The following CNTN5 variants were observed in gnomAD, a reference collection of about 807,000 sequenced individuals.
The protein encoded by CNTN5 is contactin 5, also known as contactin-5.
In CNTN5, 77 loss-of-function variants were observed where a neutral mutation model predicts 129.1. The observed-to-expected ratio is 0.60, with a 90% CI of 0.50 to 0.72. CNTN5 has a LOEUF of 0.72. Ranked by LOEUF, CNTN5 falls within the 30% of genes least tolerant of loss-of-function variation. CNTN5 has a pLI of 0.00. For missense variants in CNTN5, 1,478 were observed against 1,328.8 expected (o/e 1.11, Z -1.75); for synonymous variants, 509 against 465.6 (o/e 1.09, Z -1.20).
At chr11:99,840,993 A>C (rs572884945) in intron 4 of CNTN5, among the ~76,000 whole-genome samples, 1 of 152,300 alleles carries the variant, frequency 6.6e-6, no homozygotes, top group African/African-American at 2.4e-5. Flanking sequence ...GGGACTGGGA[A>C]GCTGTACGTA....
intron 2 of CNTN5, among the ~76,000 whole-genome samples, chr11:99,376,098 G>C (rs1317347823): frequency 6.6e-6 from 1 of 152,104 alleles, no homozygotes; most frequent in African/African-American, 2.4e-5. Context: ...AGCGAGGTAG[G>C]ATGACTCACA....
chr11:99,513,358 C>T (rs1469780895), intron 2 of CNTN5, among the ~76,000 whole-genome samples: 3 of 152,132 alleles, frequency 2.0e-5, no homozygotes, highest in African/African-American at 7.2e-5. Context: ...GAAGCTGCAG[C>T]AAGTCATCCA....
chr11:99,541,945 A>C (rs1948123600), intron 2 of CNTN5, among the ~76,000 whole-genome samples: 1 of 118,280 alleles, frequency 8.5e-6, no homozygotes, highest in African/African-American at 3.4e-5. Context: ...TGACAGAGGG[A>C]GATCTTGTCT....
intron 21 of CNTN5, among the ~76,000 whole-genome samples, chr11:100,327,319 C>T (rs1488340552): frequency 4.6e-5 from 7 of 152,194 alleles, no homozygotes; most frequent in African/African-American, 1.7e-4. Context: ...AAGTGCACCA[C>T]ACACGGATCA....
At chr11:100,287,944 C>A (rs2138848427) in intron 18 of CNTN5, among the ~76,000 whole-genome samples, 1 of 152,164 alleles carries the variant, frequency 6.6e-6, no homozygotes, top group East Asian at 1.9e-4. Context: ...CAAAAAAAGG[C>A]AGGGGTTGCA....
At chr11:100,099,316 G>A (rs192595327) in intron 13 of CNTN5, among the ~76,000 whole-genome samples, 162 of 152,056 alleles carry the variant, frequency 1.1e-3, no homozygotes, top group African/African-American at 3.8e-3. Context: ...AAACTGGGGT[G>A]GTTGGACACC....
At chr11:99,192,168 C>A (rs1591337516) in intron 1 of CNTN5, among the ~76,000 whole-genome samples, 2 of 150,494 alleles carry the variant, frequency 1.3e-5, no homozygotes, top group South Asian at 2.1e-4. Context: ...AGAAAGAAGA[C>A]AAATAAAATC....
intron 18 of CNTN5, among the ~76,000 whole-genome samples, chr11:100,296,257 T>G (rs1039832283): frequency 4.0e-5 from 6 of 151,586 alleles, no homozygotes; most frequent in Admixed American, 2.0e-4. Flanking sequence ...TGGCAACAAC[T>G]ATGACTACTA....
chr11:99,993,906 A>T (rs890181456), intron 8 of CNTN5, among the ~76,000 whole-genome samples: 1 of 152,238 alleles, frequency 6.6e-6, no homozygotes, highest in Admixed American at 6.5e-5. Flanking sequence ...AGAAAATTTT[A>T]AAAACCAGTT....
At chr11:99,541,793 C>CA (rs1948116927) in intron 2 of CNTN5, among the ~76,000 whole-genome samples, 1 of 151,234 alleles carries the variant, frequency 6.6e-6, no homozygotes, top group South Asian at 2.1e-4. Context: ...TATGGAAAAT[C>CA]AAAAAATTGG....
intron 21 of CNTN5, among the ~76,000 whole-genome samples, chr11:100,314,325 T>A (rs73565612): frequency 2.1e-4 from 32 of 152,264 alleles, no homozygotes; most frequent in African/African-American, 7.7e-4. Context: ...CAGAAAACTC[T>A]TTTAGCCTCA....
rs530359834 is a variant in CNTN5, at chr11:100,256,525, G to C, written c.2164+607G>C. 9.9e-5 allele frequency among the ~76,000 whole-genome samples: 15 copies of C among 152,210 alleles called. No individual in the cohort carries two copies. The South Asian group carries it at 1.0e-3, about 11-fold the overall frequency. ...TTCAGCTGGCAAGATGGCTGAATAG[G>C]AATAGCTCTGGTCTGCAGTTCCCAA... On this transcript the variant is annotated intron_variant, in intron 17 of 24. Coordinates refer to ENST00000524871, the MANE Select transcript of CNTN5 (RefSeq NM_014361.4).
chr11:99,669,796 T>C (rs771106119), intron 3 of CNTN5, among the ~76,000 whole-genome samples: 78 of 152,136 alleles, frequency 5.1e-4, no homozygotes, highest in Admixed American at 1.0e-3. Context: ...GCCAAGTATT[T>C]AAGCTACTCC....
intron 1 of CNTN5, among the ~76,000 whole-genome samples, chr11:99,240,881 G>C (rs982337383): frequency 1.3e-5 from 2 of 152,140 alleles, no homozygotes; most frequent in African/African-American, 4.8e-5. Context: ...CACACAGACT[G>C]TGTTAATGTC....
intron 1 of CNTN5, among the ~76,000 whole-genome samples, chr11:99,232,200 G>T (rs746843225): frequency 6.6e-6 from 1 of 151,962 alleles, no homozygotes; most frequent in African/African-American, 2.4e-5. Context: ...GTCAATGGTC[G>T]TTTAATGGGA....
intron 2 of CNTN5, among the ~76,000 whole-genome samples, chr11:99,517,271 T>C (rs544995943): frequency 3.9e-5 from 6 of 152,240 alleles, no homozygotes; most frequent in African/African-American, 1.2e-4. Context: ...AACCCCTTTT[T>C]ATATTTTCTT....
chr11:100,065,396 A>G (rs1197319319), intron 10 of CNTN5, among the ~76,000 whole-genome samples: 1 of 152,072 alleles, frequency 6.6e-6, no homozygotes, highest in Non-Finnish European at 1.5e-5. Context: ...ATCATTTTAT[A>G]ATGTCCACTA....
chr11:99,492,865 G>A (rs7945839), intron 2 of CNTN5, among the ~76,000 whole-genome samples: 20 of 152,256 alleles, frequency 1.3e-4, no homozygotes, highest in African/African-American at 4.8e-4. Context: ...ATGAAGAGGG[G>A]ACACCGTGAG....
At chr11:99,120,473 C>G (rs1858260048) in intron 1 of CNTN5, 1 of 152,178 alleles carries the variant, frequency 6.6e-6, no homozygotes, top group African/African-American at 2.4e-5. Flanking sequence ...CTGAGAAAGA[C>G]CAGAACAGTG....
Sources: gnomAD v4.1 joint callset for allele counts (sites outside exome capture counted in the v4.1 genomes callset) on GRCh38, gnomAD v4.1.1 for gene constraint, MANE v1.5 for transcripts, NCBI Gene and HGNC (gene_info 2026-07-23, HGNC 2026-07-21) for gene names.